PAQR3: variants seen among roughly 807,000 people sequenced by gnomAD.
PAQR3 encodes the protein progestin and adipoQ receptor family member 3.
PAQR3 carries 39 observed loss-of-function variants against 41.7 expected under a neutral mutation model. The ratio of observed to expected loss-of-function variants is 0.93; its 90% CI spans 0.72 to 1.22. PAQR3 has a LOEUF of 1.22. Among genes scored for constraint, PAQR3 ranks in the 50% most tolerant of loss-of-function variants. The probability of loss-of-function intolerance (pLI) is 0.00; values close to 1 mark genes in which losing one functional copy is unlikely to be tolerated. For missense variants in PAQR3, 366 were observed against 385.6 expected (o/e 0.95, Z 0.42); for synonymous variants, 140 against 140.6 (o/e 1.00, Z 0.03).
At chr4:78,930,501 T>C (rs1736748868) in intron 2 of PAQR3, 176 bp from the exon 3 acceptor site, 1 of 463,954 alleles carries the variant, frequency 2.2e-6, no homozygotes, top group Non-Finnish European at 3.6e-6. Flanking sequence ...TAGAGCCATG[T>C]AGAGCCATGA....
intron 3 of PAQR3, among the ~76,000 whole-genome samples, chr4:78,929,811 T>C (rs1461277165): frequency 6.6e-6 from 1 of 152,204 alleles, no homozygotes; most frequent in African/African-American, 2.4e-5. Context: ...TTTTAACAAG[T>C]GTTAATTTTA....
intron 3 of PAQR3, among the ~76,000 whole-genome samples, chr4:78,926,986 G>C (rs1231116974): frequency 6.6e-6 from 1 of 152,152 alleles, no homozygotes; most frequent in Non-Finnish European, 1.5e-5. Flanking sequence ...GCCAGGCACA[G>C]TTCAAGTCCT....
chr4:78,936,932 G>A (rs1737487734), intron 1 of PAQR3, among the ~76,000 whole-genome samples: 1 of 150,914 alleles, frequency 6.6e-6, no homozygotes, highest in Non-Finnish European at 1.5e-5. Context: ...AGAGGGCAAA[G>A]GCTAAACTTG....
downstream of PAQR3, chr4:78,911,606 G>A (rs758008465): frequency 5.6e-6 from 9 of 1,613,800 alleles, no homozygotes; most frequent in East Asian, 2.2e-5. Context: ...AGGGCTCGCA[G>A]GCACAAAAAA....
chr4:78,923,331 C>CT (rs942681929), intron 5 of PAQR3, among the ~76,000 whole-genome samples: 28 of 148,892 alleles, frequency 1.9e-4, no homozygotes, highest in East Asian at 1.2e-3. Flanking sequence ...TTTTCACTAT[C>CT]TTTTTTTTTT....
chr4:78,911,623 C>T (rs780522133), downstream of PAQR3: 3 of 1,613,818 alleles, frequency 1.9e-6, no homozygotes, highest in Non-Finnish European at 2.5e-6. Context: ...AAAAGTGGGC[C>T]GCCGAGACTC....
At chr4:78,920,933 A>C (rs1735601323) in intron 5 of PAQR3, among the ~76,000 whole-genome samples, 2 of 151,880 alleles carry the variant, frequency 1.3e-5, no homozygotes, top group Non-Finnish European at 1.5e-5. Flanking sequence ...AATCTAACTT[A>C]ATTTCAGGAA....
At chr4:78,923,111 C>G in intron 5 of PAQR3, 1 of 382,256 alleles carries the variant, frequency 2.6e-6, no homozygotes, top group South Asian at 2.0e-5. Flanking sequence ...TCACCATTAT[C>G]TATTTTATAG....
At position 78,914,503 on chromosome 4, in the gene PAQR3, C is replaced by T. The variant is rs1359778703; in HGVS notation, c.*6036G>A. 11 of 151,780 alleles carry T rather than the reference C, an allele frequency of 7.2e-5. No homozygotes were observed. Among genetic ancestry groups the T allele is most frequent in the Admixed American group, 6.6e-4 (10 of 15,198 alleles). The allele number at this position is 151,780 out of a possible 1,614,324, so 9.4% of individuals were successfully genotyped here. ...TATACTTTGCATTTTCATTCATCATCCCCCAGAATCATGGTCAAGGTGTAG... is the reference window on the plus strand; with the variant it reads ...TATACTTTGCATTTTCATTCATCATTCCCCAGAATCATGGTCAAGGTGTAG... On this transcript the variant is annotated 3_prime_UTR_variant, in exon 6 of 6. Coordinates refer to ENST00000512733, the MANE Select transcript of PAQR3 (RefSeq NM_001040202.2).
downstream of PAQR3, chr4:78,910,978 G>T: frequency 6.2e-7 from 1 of 1,613,640 alleles, no homozygotes; most frequent in Non-Finnish European, 8.5e-7. Context: ...GCAGGCTAAA[G>T]CAAAGTACAG....
In PAQR3 at chr4:78,939,149, G is replaced by A. The variant is rs780309412; in HGVS notation, c.76C>T (p.Arg26Cys). The A allele has an allele frequency of 3.7e-6, 6 of 1,613,732 alleles. No homozygotes were observed. In the South Asian group the frequency reaches 5.5e-5, roughly 15 times the overall value. The change falls in exon 1 of 6, where the codon CGT becomes TGT. Residue 26 changes from arginine (R) to cysteine (C), a missense_variant. Arg to Cys is a radical substitution (Grantham distance 180). Coordinates refer to ENST00000512733, the MANE Select transcript of PAQR3 (RefSeq NM_001040202.2). Reference protein sequence around the residue: ...SYQYWPVLVPRGIRLYTYEQI... With the variant: ...SYQYWPVLVPCGIRLYTYEQI... ...TCGTAGGTGTACAGGCGGATGCCAC[G>A]GGGCACCAGGACCGGCCAGTACTGG...
chr4:78,936,073 C>A (rs116766555), intron 1 of PAQR3, among the ~76,000 whole-genome samples: 1 of 152,118 alleles, frequency 6.6e-6, no homozygotes, highest in Non-Finnish European at 1.5e-5. Flanking sequence ...CTGTCCCCAC[C>A]CTACACAAGT....
At chr4:78,910,491 C>A, downstream of PAQR3, 1 of 826,232 alleles carries the variant, frequency 1.2e-6, no homozygotes. Flanking sequence ...ATTATTTTTT[C>A]CTCTAAGGGA....
At chr4:78,899,319 T>G (rs781609652) in intron 11 of PAQR3, among the ~76,000 whole-genome samples, 33 of 152,184 alleles carry the variant, frequency 2.2e-4, no homozygotes, top group Non-Finnish European at 3.7e-4. Flanking sequence ...TCAGCAAAAT[T>G]GGTGAAGTTC....
At chr4:78,925,389 AAAGATGTTTTCAC>A (rs572162542) in intron 4 of PAQR3, among the ~76,000 whole-genome samples, 80 of 152,234 alleles carry the variant, frequency 5.3e-4, no homozygotes, top group African/African-American at 1.8e-3. Flanking sequence ...AAATTGTCAG[AAAGATGTTTTCAC>A]AGATAGGAGG....
Position 78,887,263 on chromosome 4 carries a change from G to T in PAQR3, c.*971C>A. 2.5e-6 allele frequency: 4 copies of T among 1,608,558 alleles called. No homozygotes were observed. In the South Asian group the frequency reaches 3.3e-5, roughly 13 times the overall value. On this transcript the variant is annotated 3_prime_UTR_variant and NMD_transcript_variant, in exon 13 of 13. Transcript: ENST00000342820. ...TCCTCCAGAAGATCCTTTTGGTTCTGTTCCTTTCATTTCTCATTCAGGCAA... is the reference window on the plus strand; with the variant it reads ...TCCTCCAGAAGATCCTTTTGGTTCTTTTCCTTTCATTTCTCATTCAGGCAA...
At position 78,919,739 on chromosome 4, in the gene PAQR3, C is replaced by A; in HGVS notation, c.*800G>T. ...AATTTTGGGATCAAAAACCTGTAAT[C>A]CACTCACAAGAATTCAGTTATTATA... On this transcript the variant is annotated 3_prime_UTR_variant, in exon 6 of 6. Transcript: ENST00000512733. The A allele has an allele frequency of 1.0e-6, 1 of 984,882 alleles. No individual in the cohort carries two copies. The allele number at this position is 984,882 out of a possible 1,614,324, so 61.0% of individuals were successfully genotyped here. A position where few individuals can be genotyped will look rare whatever the true frequency, so the allele number is the denominator to read the frequency against.
Position 78,939,388 on chromosome 4 carries a change from G to T in PAQR3, c.-164C>A, listed in dbSNP as rs905542291. 28 of 429,298 alleles carry T rather than the reference G, an allele frequency of 6.5e-5. No homozygotes were observed. The highest frequency in any genetic ancestry group is 9.6e-5 in the Non-Finnish European group (27 of 280,204). The allele number at this position is 429,298 out of a possible 1,614,324, so 26.6% of individuals were successfully genotyped here. On this transcript the variant is annotated 5_prime_UTR_variant, in exon 1 of 6. Transcript: ENST00000512733. The stretch of plus-strand genomic sequence containing the variant: ...CAGGGCCCGGCTCTGCGCTCACACC[G>T]GCCACTGCCGCCAGCGCCGCGGCGG...
In PAQR3 at chr4:78,912,020, C is replaced by A; in HGVS notation, c.*8519G>T. 5.6e-6 allele frequency: 9 copies of A among 1,607,914 alleles called. No homozygotes were observed. The highest frequency in any genetic ancestry group is 7.7e-6 in the Non-Finnish European group (9 of 1,176,150). The stretch of plus-strand genomic sequence containing the variant: ...GACCCATTTGGTGCTGCTCCATTTC[C>A]TTCTAAACAGTAGATACTTCTGATG... On this transcript the variant is annotated 3_prime_UTR_variant, in exon 6 of 6. Coordinates refer to ENST00000512733, the MANE Select transcript of PAQR3 (RefSeq NM_001040202.2).
Sources: allele counts gnomAD v4.1 joint callset (sites outside exome capture counted in the v4.1 genomes callset), GRCh38; gene constraint gnomAD v4.1.1; transcripts MANE v1.5; gene names NCBI Gene and HGNC (gene_info 2026-07-23, HGNC 2026-07-21).